The following CEP135 variants were observed in gnomAD, a reference collection of about 807,000 sequenced individuals.
CEP135 encodes the protein centrosomal protein 135.
Under a neutral mutation model 157.3 loss-of-function variants are expected in CEP135, and 142 were observed. That is an observed-to-expected ratio of 0.90 (90% CI 0.79 to 1.04). The LOEUF (loss-of-function observed/expected upper bound fraction) is 1.04. Ranked by LOEUF, CEP135 falls within the 50% of genes least tolerant of loss-of-function variation. The pLI, the probability that CEP135 is intolerant of heterozygous loss-of-function variation, is 0.00. For synonymous variants in CEP135, 396 were observed against 439.8 expected (o/e 0.90, Z 1.25); for missense variants, 1,317 against 1,309.2 (o/e 1.01, Z -0.09).
At chr4:55,978,286 G>A (rs998390040) in intron 11 of CEP135, among the ~76,000 whole-genome samples, 2 of 152,034 alleles carry the variant, frequency 1.3e-5, no homozygotes, top group Admixed American at 6.6e-5. Flanking sequence ...AATTTTAGTA[G>A]TACAGATACA....
intron 10 of CEP135, among the ~76,000 whole-genome samples, chr4:55,972,416 A>G (rs1433681543): frequency 2.6e-5 from 4 of 152,224 alleles, no homozygotes; most frequent in East Asian, 1.9e-4. Flanking sequence ...CTCAATGACA[A>G]TACACCAGCA....
At chr4:56,003,131 G>A (rs770783810) in intron 17 of CEP135, among the ~76,000 whole-genome samples, 1 of 151,908 alleles carries the variant, frequency 6.6e-6, no homozygotes, top group African/African-American at 2.4e-5. Context: ...AACCTTAAAG[G>A]TTTGTTGATT....
At chr4:55,955,273 A>G (rs1397705952) in intron 4 of CEP135, among the ~76,000 whole-genome samples, 1 of 152,244 alleles carries the variant, frequency 6.6e-6, no homozygotes, top group Non-Finnish European at 1.5e-5. Context: ...ATTAAAGAGC[A>G]TGATGAGTAC....
intron 18 of CEP135, among the ~76,000 whole-genome samples, chr4:56,009,004 TCCTC>T (rs1730463455): frequency 6.6e-6 from 1 of 152,124 alleles, no homozygotes; most frequent in South Asian, 2.1e-4. Context: ...GCTCAGGTGA[TCCTC>T]CCACCTCAGC....
chr4:56,009,279 A>G lies in CEP135; in HGVS notation c.2337-456A>G, dbSNP rs939158574. ...CGGGTTCACGCCATTTTCCTGCCTCAGCCTCCCAAGTAGCTGGACTACACG... is the reference window on the plus strand; with the variant it reads ...CGGGTTCACGCCATTTTCCTGCCTCGGCCTCCCAAGTAGCTGGACTACACG... On this transcript the variant is annotated intron_variant, in intron 18 of 25. Transcript: ENST00000257287. Among the ~76,000 whole-genome samples the G allele has an allele frequency of 5.3e-5, 8 of 152,018 alleles. No homozygotes were observed. The East Asian group carries it at 1.5e-3, about 29-fold the overall frequency.
At chr4:56,002,108 T>C (rs893891549) in intron 17 of CEP135, among the ~76,000 whole-genome samples, 28 of 152,160 alleles carry the variant, frequency 1.8e-4, no homozygotes, top group African/African-American at 6.5e-4. Context: ...TTGTGCAACT[T>C]ACTGAATTTG....
At chr4:56,030,085 T>C (rs1731291090) in intron 25 of CEP135, among the ~76,000 whole-genome samples, 1 of 152,192 alleles carries the variant, frequency 6.6e-6, no homozygotes, top group African/African-American at 2.4e-5. Flanking sequence ...ACACACATTA[T>C]CCTAGGCCCA....
At chr4:56,020,923 T>A (rs1283049330) in intron 24 of CEP135, 143 bp downstream of exon 24, 3 of 572,470 alleles carry the variant, frequency 5.2e-6, no homozygotes, top group Non-Finnish European at 8.9e-6. Context: ...TTCTTCCTTT[T>A]AAAAAAGGCA....
chr4:56,000,006 G>A (rs1236946836), intron 17 of CEP135, among the ~76,000 whole-genome samples: 1 of 151,962 alleles, frequency 6.6e-6, no homozygotes, highest in Non-Finnish European at 1.5e-5. Context: ...CCTGGGCCAC[G>A]TGGTGAGACT....
intron 6 of CEP135, among the ~76,000 whole-genome samples, chr4:55,962,730 C>CTTTTT (rs56378859): frequency 8.0e-6 from 1 of 125,370 alleles, no homozygotes; most frequent in Non-Finnish European, 1.7e-5. Flanking sequence ...TTTTAAGCCT[C>CTTTTT]TTTTTTTTTT....
intron 17 of CEP135, among the ~76,000 whole-genome samples, chr4:56,001,870 A>G (rs1730186109): frequency 6.6e-6 from 1 of 152,032 alleles, no homozygotes; most frequent in Non-Finnish European, 1.5e-5. Context: ...TAATTCCTTC[A>G]ATCCATGAGT....
chr4:56,000,048 A>G (rs1312261884), intron 17 of CEP135, among the ~76,000 whole-genome samples: 2 of 151,676 alleles, frequency 1.3e-5, no homozygotes, highest in Non-Finnish European at 2.9e-5. Flanking sequence ...AAAATTAGCT[A>G]GGTGTGGTGG....
rs1472519912 is a variant in CEP135, at chr4:55,957,452, A to G, written c.614+88A>G. The G allele has an allele frequency of 3.2e-6, 4 of 1,236,970 alleles. No individual in the cohort carries two copies. In the Admixed American group the frequency reaches 9.6e-5, roughly 30 times the overall value. 76.6% of individuals were successfully genotyped at this position (1,236,970 alleles called of 1,614,324 possible). A position where few individuals can be genotyped will look rare whatever the true frequency, so the allele number is the denominator to read the frequency against. On this transcript the variant is annotated intron_variant, in intron 5 of 25. Transcript: ENST00000257287. ...TGATAGGAGGGCTTTTTTTCTTGTT[A>G]ACTGTTGTGTCTCCAGTGTCTAGCA...
intron 13 of CEP135, among the ~76,000 whole-genome samples, chr4:55,982,956 G>A (rs1358182486): frequency 6.6e-6 from 1 of 151,990 alleles, no homozygotes; most frequent in Non-Finnish European, 1.5e-5. Context: ...TAGTTTATTT[G>A]CAATCAGTAT....
At chr4:55,949,303 G>A (rs1728277855) in intron 1 of CEP135, among the ~76,000 whole-genome samples, 3 of 152,200 alleles carry the variant, frequency 2.0e-5, no homozygotes, top group Non-Finnish European at 4.4e-5. Context: ...ATTGGGTGGA[G>A]GAGAGCTTGG....
In CEP135 at chr4:55,971,387, G is replaced by A. The variant is rs1729022578; in HGVS notation, c.1228G>A (p.Val410Ile). The A allele has an allele frequency of 6.3e-7, 1 of 1,597,198 alleles. No homozygotes were observed. The highest frequency in any genetic ancestry group is 8.5e-7 in the Non-Finnish European group (1 of 1,174,608). ...EQEKQRLSKK[V>I]ESFAVTERQL... Reference sequence around the variant, plus strand: ...AGAAAAGCAAAGACTTAGCAAAAAAGTTGAAAGTTTTGCAGTTACAGGTAA... The same window carrying A: ...AGAAAAGCAAAGACTTAGCAAAAAAATTGAAAGTTTTGCAGTTACAGGTAA... The change falls in exon 10 of 26, where the codon GTT (valine) becomes ATT (isoleucine). Residue 410 changes from valine to isoleucine, a missense_variant. Val to Ile is a conservative substitution (Grantham distance 29). Transcript: ENST00000257287.
intron 15 of CEP135, among the ~76,000 whole-genome samples, chr4:55,997,993 C>A (rs1730034397): frequency 6.6e-6 from 1 of 152,196 alleles, no homozygotes; most frequent in South Asian, 2.1e-4. Flanking sequence ...ACTCTCCTCC[C>A]TACCTCTTGA....
At chr4:55,963,455 C>A (rs985793411) in intron 6 of CEP135, among the ~76,000 whole-genome samples, 2 of 152,100 alleles carry the variant, frequency 1.3e-5, no homozygotes, top group Non-Finnish European at 2.9e-5. Context: ...TTAAGAAAAC[C>A]AAAGCTTGGG....
chr4:55,974,935 G>C lies in CEP135; in HGVS notation c.1439G>C (p.Arg480Pro), dbSNP rs367627205. 1 of 1,605,606 alleles carries C rather than the reference G, an allele frequency of 6.2e-7. No homozygotes were observed. The highest frequency in any genetic ancestry group is 1.3e-5 in the African/African-American group (1 of 74,636). ...TCTTGCTCTACAAGTTATAGCGCACGTGAAAAAAGTTCAATATTTAGAACA... is the reference window on the plus strand; with the variant it reads ...TCTTGCTCTACAAGTTATAGCGCACCTGAAAAAAGTTCAATATTTAGAACA... ...RRSCSTSYSA[R>P]EKSSIFRTPE... The change falls in exon 11 of 26, where the codon CGT becomes CCT. Residue 480 changes from arginine to proline, a missense_variant. Arg to Pro is a moderately radical substitution (Grantham distance 103). Transcript: ENST00000257287.
Sources: allele counts gnomAD v4.1 joint callset (sites outside exome capture counted in the v4.1 genomes callset), GRCh38; gene constraint gnomAD v4.1.1; transcripts MANE v1.5; gene names NCBI Gene and HGNC (gene_info 2026-07-23, HGNC 2026-07-21).